The following SPOCK3 variants were observed in gnomAD, a reference collection of about 807,000 sequenced individuals.
SPOCK3 encodes testican-3.
Under a neutral mutation model 56.6 loss-of-function variants are expected in SPOCK3, and 30 were observed. That is an observed-to-expected ratio of 0.53 (90% CI 0.40 to 0.72). The LOEUF is 0.72. Ranked by LOEUF, SPOCK3 falls within the 30% of genes least tolerant of loss-of-function variation. The pLI, the probability that SPOCK3 is intolerant of heterozygous loss-of-function variation, is 0.00. For missense variants in SPOCK3, 527 were observed against 530.0 expected (o/e 0.99, Z 0.06); for synonymous variants, 196 against 183.3 (o/e 1.07, Z -0.56).
chr4:166,788,046 G>A (rs929238820), intron 7 of SPOCK3, among the ~76,000 whole-genome samples: 1 of 152,076 alleles, frequency 6.6e-6, no homozygotes, highest in African/African-American at 2.4e-5. Flanking sequence ...AGCTGGTGTG[G>A]TGGCACACAC....
chr4:166,762,716 A>G (rs1287345370), intron 7 of SPOCK3, among the ~76,000 whole-genome samples: 1 of 152,162 alleles, frequency 6.6e-6, no homozygotes, highest in African/African-American at 2.4e-5. Flanking sequence ...CATTCTAACT[A>G]GAATGTCTAG....
intron 3 of SPOCK3, among the ~76,000 whole-genome samples, chr4:167,028,985 C>A (rs1031367907): frequency 1.7e-4 from 26 of 151,862 alleles, no homozygotes; most frequent in African/African-American, 5.3e-4. Flanking sequence ...TATAGGTAAA[C>A]GAGTGCCATG....
At chr4:166,880,794 C>A (rs1733607160) in intron 6 of SPOCK3, among the ~76,000 whole-genome samples, 1 of 152,152 alleles carries the variant, frequency 6.6e-6, no homozygotes, top group African/African-American at 2.4e-5. Context: ...TAATCACAAT[C>A]ATTTCAAGCC....
intron 2 of SPOCK3, among the ~76,000 whole-genome samples, chr4:167,159,966 T>C (rs1481967306): frequency 6.6e-6 from 1 of 152,136 alleles, no homozygotes; most frequent in Non-Finnish European, 1.5e-5. Flanking sequence ...AAGCATTCCC[T>C]TTGAAAACTG....
intron 6 of SPOCK3, among the ~76,000 whole-genome samples, chr4:166,850,508 G>T (rs1020404008): frequency 2.6e-5 from 4 of 152,210 alleles, no homozygotes; most frequent in Non-Finnish European, 5.9e-5. Context: ...AGCTCCCAGC[G>T]TGAGCAACGC....
chr4:166,906,387 C>T (rs928993270), intron 5 of SPOCK3, among the ~76,000 whole-genome samples: 8 of 150,830 alleles, frequency 5.3e-5, no homozygotes, highest in African/African-American at 1.7e-4. Flanking sequence ...CAATGCTTGT[C>T]TTGAACTCCG....
At chr4:166,975,759 A>G (rs995533615) in intron 4 of SPOCK3, among the ~76,000 whole-genome samples, 2 of 152,118 alleles carry the variant, frequency 1.3e-5, no homozygotes, top group African/African-American at 4.8e-5. Context: ...CAGTGAGAAC[A>G]TGTGAAGTTT....
At chr4:167,121,756 T>C (rs1298216027) in intron 2 of SPOCK3, among the ~76,000 whole-genome samples, 2 of 152,148 alleles carry the variant, frequency 1.3e-5, no homozygotes, top group African/African-American at 2.4e-5. Context: ...TAGCCTGCTG[T>C]TCCAAACATT....
intron 2 of SPOCK3, among the ~76,000 whole-genome samples, chr4:167,231,483 T>C (rs1396430579): frequency 1.3e-5 from 2 of 152,142 alleles, no homozygotes; most frequent in Admixed American, 6.5e-5. Context: ...TTTGCCCTCA[T>C]ATAAAGTGAG....
chr4:167,009,341 A>G (rs971303887), intron 3 of SPOCK3, among the ~76,000 whole-genome samples: 5 of 152,154 alleles, frequency 3.3e-5, no homozygotes, highest in Non-Finnish European at 4.4e-5. Flanking sequence ...TTAATTAAAT[A>G]AGAAAGCCCA....
At chr4:166,854,176 C>T (rs186365773) in intron 6 of SPOCK3, among the ~76,000 whole-genome samples, 16 of 152,224 alleles carry the variant, frequency 1.1e-4, no homozygotes, top group Admixed American at 2.6e-4. Flanking sequence ...GAGTACTGTC[C>T]TACATCAGCA....
intron 3 of SPOCK3, among the ~76,000 whole-genome samples, chr4:167,057,499 A>C (rs1227087661): frequency 6.6e-6 from 1 of 152,046 alleles, no homozygotes; most frequent in Admixed American, 6.6e-5. Context: ...GGCAAATTGG[A>C]TAAAGAGTCA....
chr4:166,947,041 C>G lies in SPOCK3; in HGVS notation c.351-34298G>C, dbSNP rs151224485. 5.9e-5 allele frequency among the ~76,000 whole-genome samples: 9 copies of G among 152,208 alleles called. No homozygotes were observed. The East Asian group carries it at 1.7e-3, about 29-fold the overall frequency. On this transcript the variant is annotated intron_variant, in intron 4 of 10. Coordinates refer to ENST00000357545, the MANE Select transcript of SPOCK3 (RefSeq NM_001040159.2). ...TCCTAAAATACCACTGAGCATTTTA[C>G]CTGATACCCTCCCATAACGACCAAA... is the stretch of plus-strand genomic sequence containing the variant.
At chr4:166,886,275 G>A (rs1046793934) in intron 6 of SPOCK3, among the ~76,000 whole-genome samples, 2 of 151,872 alleles carry the variant, frequency 1.3e-5, no homozygotes, top group Admixed American at 1.3e-4. Context: ...ATTTGCAATT[G>A]AACAGTACGT....
intron 5 of SPOCK3, among the ~76,000 whole-genome samples, chr4:166,899,272 AT>A: frequency 7.5e-6 from 1 of 133,860 alleles, no homozygotes; most frequent in East Asian, 2.3e-4. Flanking sequence ...CTATCTATCT[AT>A]CTATCTATCT....
intron 6 of SPOCK3, among the ~76,000 whole-genome samples, chr4:166,815,319 TA>T (rs1443058878): frequency 2.6e-5 from 4 of 151,844 alleles, no homozygotes; most frequent in African/African-American, 7.3e-5. Flanking sequence ...AAAAAGTGAA[TA>T]AAAAAATTAT....
intron 2 of SPOCK3, among the ~76,000 whole-genome samples, chr4:167,225,073 C>T (rs1056539946): frequency 6.6e-6 from 1 of 152,066 alleles, no homozygotes; most frequent in Non-Finnish European, 1.5e-5. Context: ...TGTTTTACAA[C>T]AAGAGTGATA....
intron 4 of SPOCK3, among the ~76,000 whole-genome samples, chr4:166,972,470 C>T (rs1419064367): frequency 6.6e-6 from 1 of 151,874 alleles, no homozygotes; most frequent in Admixed American, 6.6e-5. Context: ...ACTGACAAAT[C>T]AAAAGAACAT....
chr4:166,876,406 G>A (rs17702109), intron 6 of SPOCK3, among the ~76,000 whole-genome samples: 14,823 of 152,138 alleles, frequency 0.097, 1,017 homozygotes, highest in East Asian at 0.26. Context: ...CCGTGGAAGA[G>A]AGTTAAGAAA....
Sources: gnomAD v4.1 joint callset for allele counts (sites outside exome capture counted in the v4.1 genomes callset) on GRCh38, gnomAD v4.1.1 for gene constraint, MANE v1.5 for transcripts, NCBI Gene and HGNC (gene_info 2026-07-23, HGNC 2026-07-21) for gene names.